Variants in NRXN3 observed in about 807,000 individuals in gnomAD.
NRXN3 encodes neurexin 3.
A neutral mutation model predicts 137.6 loss-of-function variants in NRXN3; 32 were observed. The ratio of observed to expected loss-of-function variants is 0.23; its 90% CI spans 0.18 to 0.31. The LOEUF (loss-of-function observed/expected upper bound fraction) is 0.31. Ranked by LOEUF, NRXN3 falls within the 10% of genes least tolerant of loss-of-function variation. The pLI, the probability that NRXN3 is intolerant of heterozygous loss-of-function variation, is 1.00. For synonymous variants in NRXN3, 798 were observed against 784.5 expected, an observed-to-expected ratio of 1.02 and a Z score of -0.29; for missense variants, 1,574 against 2,062.5, an observed-to-expected ratio of 0.76 and a Z score of 4.59.
chr14:78,849,570 C>T (rs943050910), intron 10 of NRXN3, among the ~76,000 whole-genome samples: 20 of 152,174 alleles, frequency 1.3e-4, no homozygotes, highest in African/African-American at 4.3e-4. Flanking sequence ...TTACATCTTA[C>T]GCTAAAAATG....
At chr14:78,832,132 A>G (rs1432325110) in intron 10 of NRXN3, among the ~76,000 whole-genome samples, 1 of 152,046 alleles carries the variant, frequency 6.6e-6, no homozygotes, top group East Asian at 1.9e-4. Flanking sequence ...CTGTGGTTTA[A>G]ATAATAATAA....
intron 1 of NRXN3, among the ~76,000 whole-genome samples, chr14:78,171,680 G>T (rs1396637011): frequency 2.0e-5 from 3 of 146,780 alleles, no homozygotes; most frequent in African/African-American, 7.6e-5. Context: ...GGCCAGTGAT[G>T]TAATACCAAC....
At position 78,926,810 on chromosome 14, in the gene NRXN3, ATAT is replaced by A. The variant is rs1240031132; in HGVS notation, c.2276-30428_2276-30426del. 7.6e-5 allele frequency among the ~76,000 whole-genome samples: 4 copies of A among 52,366 alleles called. 2 individuals carry two copies. Among genetic ancestry groups the A allele is most frequent in the African/African-American group, 3.5e-4 (4 of 11,330 alleles). 34.4% of individuals were successfully genotyped at this position (52,366 alleles called of 152,430 possible). A position where few individuals can be genotyped will look rare whatever the true frequency, so the allele number is the denominator to read the frequency against. On this transcript the variant is annotated intron_variant, in intron 10 of 20. Transcript: ENST00000335750. ...TATATTATATATTATATATTTATAT[ATAT>A]TATATATTATATATAATTTATATAA... is the stretch of plus-strand genomic sequence containing the variant.
chr14:78,671,457 T>C (rs905073457), intron 6 of NRXN3, among the ~76,000 whole-genome samples: 9 of 152,202 alleles, frequency 5.9e-5, no homozygotes, highest in African/African-American at 2.2e-4. Flanking sequence ...ATGTTGCTAT[T>C]GGGTACTATG....
intron 8 of NRXN3, among the ~76,000 whole-genome samples, chr14:78,742,463 A>C (rs563160414): frequency 1.3e-5 from 2 of 152,380 alleles, no homozygotes; most frequent in East Asian, 3.9e-4. Flanking sequence ...GGAATAAGCC[A>C]TATCAATTGC....
chr14:78,493,600 C>T (rs2095711143), intron 4 of NRXN3, among the ~76,000 whole-genome samples: 1 of 151,890 alleles, frequency 6.6e-6, no homozygotes, highest in Admixed American at 6.6e-5. Flanking sequence ...AAATAGATTT[C>T]ATCTTTGGAC....
At chr14:79,176,163 C>G (rs1432016927) in intron 15 of NRXN3, among the ~76,000 whole-genome samples, 1 of 152,210 alleles carries the variant, frequency 6.6e-6, no homozygotes, top group African/African-American at 2.4e-5. Flanking sequence ...TTAACAGGAA[C>G]TGTACTGTTA....
intron 19 of NRXN3, among the ~76,000 whole-genome samples, chr14:79,708,167 T>C (rs987201748): frequency 1.3e-5 from 2 of 152,150 alleles, no homozygotes; most frequent in South Asian, 4.1e-4. Context: ...TTTTAAAAAA[T>C]TGTGTCTGTA....
intron 1 of NRXN3, among the ~76,000 whole-genome samples, chr14:78,209,474 A>C (rs2062535372): frequency 6.6e-6 from 1 of 152,202 alleles, no homozygotes; most frequent in Non-Finnish European, 1.5e-5. Context: ...TTTATAAAGA[A>C]AAGAATTTTA....
intron 15 of NRXN3, among the ~76,000 whole-genome samples, chr14:79,143,867 C>A (rs559690889): frequency 6.6e-6 from 1 of 152,196 alleles, no homozygotes; most frequent in Non-Finnish European, 1.5e-5. Flanking sequence ...CTGAAGTACC[C>A]TCCAGACAGG....
intron 1 of NRXN3, among the ~76,000 whole-genome samples, chr14:78,177,055 C>G (rs996283206): frequency 6.6e-6 from 1 of 152,132 alleles, no homozygotes; most frequent in Non-Finnish European, 1.5e-5. Context: ...GTTCTCAATC[C>G]CATATAGCCC....
At chr14:79,487,886 T>G (rs2096672499) in intron 16 of NRXN3, among the ~76,000 whole-genome samples, 1 of 152,214 alleles carries the variant, frequency 6.6e-6, no homozygotes, top group African/African-American at 2.4e-5. Context: ...AGATTGCATG[T>G]TAGCTCTGAT....
At chr14:79,744,690 T>G (rs1162699431) in intron 19 of NRXN3, among the ~76,000 whole-genome samples, 1 of 152,220 alleles carries the variant, frequency 6.6e-6, no homozygotes, top group Admixed American at 6.6e-5. Flanking sequence ...ACAGCTCTTG[T>G]GATGGCTTTG....
intron 6 of NRXN3, among the ~76,000 whole-genome samples, chr14:78,671,221 C>T (rs77125823): frequency 2.6e-5 from 4 of 152,096 alleles, no homozygotes; most frequent in East Asian, 1.9e-4. Flanking sequence ...AGGACCAATA[C>T]GTTGAGAACT....
chr14:79,332,313 G>A (rs1020387890), intron 15 of NRXN3, among the ~76,000 whole-genome samples: 2 of 152,134 alleles, frequency 1.3e-5, no homozygotes, highest in Non-Finnish European at 2.9e-5. Context: ...TTTTTGTGTA[G>A]CCTTGGTCAT....
chr14:78,604,940 A>C (rs1337088664), intron 4 of NRXN3, among the ~76,000 whole-genome samples: 1 of 152,196 alleles, frequency 6.6e-6, no homozygotes, highest in East Asian at 1.9e-4. Context: ...ACGGAGTCCT[A>C]ATTCTCAAGA....
intron 17 of NRXN3, 51 bp from the exon 18 acceptor site, chr14:79,692,122 G>T: frequency 1.5e-6 from 2 of 1,375,380 alleles, no homozygotes; most frequent in Admixed American, 2.3e-5. Flanking sequence ...GTTTTTTAAT[G>T]ACTTATTGAC....
At chr14:79,050,314 GA>G (rs1351572046) in intron 15 of NRXN3, among the ~76,000 whole-genome samples, 2 of 152,278 alleles carry the variant, frequency 1.3e-5, no homozygotes, top group East Asian at 3.9e-4. Flanking sequence ...AATGTCCTGT[GA>G]AAAAGAGAGG....
intron 4 of NRXN3, among the ~76,000 whole-genome samples, chr14:78,471,084 A>G (rs1288033374): frequency 6.6e-6 from 1 of 152,176 alleles, no homozygotes; most frequent in African/African-American, 2.4e-5. Flanking sequence ...GATTTGATGT[A>G]GAGTGGTTCT....
Sources: gnomAD v4.1 joint callset for allele counts (sites outside exome capture counted in the v4.1 genomes callset) on GRCh38, gnomAD v4.1.1 for gene constraint, MANE v1.5 for transcripts, NCBI Gene and HGNC (gene_info 2026-07-23, HGNC 2026-07-21) for gene names.